EXOC2: variants seen among roughly 807,000 people sequenced by gnomAD.
EXOC2 encodes the protein exocyst complex component 2.
In EXOC2, 70 loss-of-function variants were observed where a neutral mutation model predicts 131.8. That is an observed-to-expected ratio of 0.53 (90% CI 0.44 to 0.65). The LOEUF (loss-of-function observed/expected upper bound fraction) is 0.65, where lower values mean the gene tolerates loss of function less well. EXOC2 is among the 30% of genes least tolerant of loss of function. EXOC2 has a pLI of 0.00. For synonymous variants in EXOC2, 411 were observed against 398.4 expected, an observed-to-expected ratio of 1.03 and a Z score of -0.38; for missense variants, 923 against 1,108.6, an observed-to-expected ratio of 0.83 and a Z score of 2.38.
chr6:636,079 C>T (rs991258114), intron 2 of EXOC2, among the ~76,000 whole-genome samples: 6 of 152,182 alleles, frequency 3.9e-5, no homozygotes, highest in African/African-American at 1.2e-4. Flanking sequence ...AAAACAACAG[C>T]AACAAAAAGA....
intron 4 of EXOC2, among the ~76,000 whole-genome samples, chr6:621,634 G>GT (rs971345636): frequency 6.6e-6 from 1 of 151,086 alleles, no homozygotes; most frequent in Non-Finnish European, 1.5e-5. Flanking sequence ...ATTTTGGGAG[G>GT]TGGCACCACT....
At chr6:542,800 G>A (rs1330937868) in intron 22 of EXOC2, among the ~76,000 whole-genome samples, 1 of 152,150 alleles carries the variant, frequency 6.6e-6, no homozygotes, top group Non-Finnish European at 1.5e-5. Context: ...GTAAAGATGA[G>A]CAGGTGCCCA....
chr6:679,175 T>C lies in EXOC2; in HGVS notation c.-44+13844A>G, dbSNP rs141892197. The C allele has an allele frequency of 3.3e-5, 5 of 152,008 alleles. No homozygotes were observed. In the East Asian group the frequency reaches 9.7e-4, roughly 29 times the overall value. 9.4% of individuals were successfully genotyped at this position (152,008 alleles called of 1,614,324 possible). A position where few individuals can be genotyped will look rare whatever the true frequency, so the allele number is the denominator to read the frequency against. On this transcript the variant is annotated intron_variant, in intron 1 of 27. Coordinates refer to ENST00000230449, the MANE Select transcript of EXOC2 (RefSeq NM_018303.6). ...AAGTTAATAAATAAAAGATAAGAAA[T>C]TTGAAAGCCAAACAGGAAGTCTGCA...
chr6:651,752 A>G (rs1762842146), intron 1 of EXOC2, among the ~76,000 whole-genome samples: 1 of 151,728 alleles, frequency 6.6e-6, no homozygotes, highest in East Asian at 1.9e-4. Flanking sequence ...GAACCAAAAA[A>G]TGGCTTGATT....
chr6:488,482 T>C (rs1479088851), intron 27 of EXOC2, among the ~76,000 whole-genome samples: 2 of 152,172 alleles, frequency 1.3e-5, no homozygotes, highest in South Asian at 2.1e-4. Context: ...ATGAAATATA[T>C]ATGTATATAT....
rs1226198548 is a variant in EXOC2, at chr6:486,055, T to C, written c.*616A>G. The C allele has an allele frequency of 6.6e-6, 1 of 152,148 alleles. No homozygotes were observed. Among genetic ancestry groups the C allele is most frequent in the Admixed American group, 6.5e-5 (1 of 15,274 alleles). The allele number at this position is 152,148 out of a possible 1,614,324, so 9.4% of individuals were successfully genotyped here. ...AGCCCTGTGAAAAATAAAAATCAGATAGCAAAACGCAAAGTTAAATCACAG... is the reference window on the plus strand; with the variant it reads ...AGCCCTGTGAAAAATAAAAATCAGACAGCAAAACGCAAAGTTAAATCACAG... On this transcript the variant is annotated 3_prime_UTR_variant, in exon 28 of 28. Coordinates refer to ENST00000230449, the MANE Select transcript of EXOC2 (RefSeq NM_018303.6).
At chr6:656,423 G>A (rs778700723) in intron 1 of EXOC2, 60 of 1,613,802 alleles carry the variant, frequency 3.7e-5, no homozygotes, top group Non-Finnish European at 1.7e-5. Flanking sequence ...GACTGCCCAC[G>A]TTCGCCATCC....
At chr6:638,864 G>A (rs1762223957) in intron 1 of EXOC2, among the ~76,000 whole-genome samples, 1 of 152,172 alleles carries the variant, frequency 6.6e-6, no homozygotes. Flanking sequence ...AGGAGGCGGA[G>A]GTTGCAGTGA....
intron 23 of EXOC2, among the ~76,000 whole-genome samples, chr6:523,211 CT>C: frequency 6.6e-6 from 1 of 152,342 alleles, no homozygotes; most frequent in East Asian, 1.9e-4. Flanking sequence ...TGTCCAAGTG[CT>C]ACCAGTTTGG....
chr6:604,894 C>G (rs2127652542), intron 7 of EXOC2, among the ~76,000 whole-genome samples: 1 of 151,938 alleles, frequency 6.6e-6, no homozygotes, highest in South Asian at 2.1e-4. Context: ...TGTGTCCTCC[C>G]CTGGTATTCT....
chr6:648,716 CTTTTTT>C (rs60202015), intron 1 of EXOC2, among the ~76,000 whole-genome samples: 6 of 88,560 alleles, frequency 6.8e-5, no homozygotes, highest in African/African-American at 1.3e-4. Flanking sequence ...TTTAAAAACT[CTTTTTT>C]TTTTTTTTTT....
intron 1 of EXOC2, among the ~76,000 whole-genome samples, chr6:687,845 AAG>A (rs1196457973): frequency 6.6e-6 from 1 of 152,222 alleles, no homozygotes; most frequent in Non-Finnish European, 1.5e-5. Flanking sequence ...GAAAGTGAAA[AAG>A]AGAGGAATTT....
chr6:605,618 G>A (rs561714078), intron 7 of EXOC2, among the ~76,000 whole-genome samples: 7 of 152,104 alleles, frequency 4.6e-5, no homozygotes, highest in South Asian at 4.2e-4. Flanking sequence ...TCTTGCTAGC[G>A]GTTTATCAAG....
intron 13 of EXOC2, among the ~76,000 whole-genome samples, chr6:568,476 G>A (rs867660692): frequency 1.3e-5 from 2 of 152,298 alleles, no homozygotes; most frequent in South Asian, 2.1e-4. Flanking sequence ...GCAGACCCTT[G>A]CGGCTTGTCA....
intron 27 of EXOC2, 83 bp downstream of exon 27, chr6:488,896 C>CATT (rs1763256218): frequency 7.2e-7 from 1 of 1,394,564 alleles, no homozygotes; most frequent in South Asian, 1.3e-5. Context: ...GAATCCAAAT[C>CATT]ATTATTTTTA....
intron 1 of EXOC2, among the ~76,000 whole-genome samples, chr6:659,782 A>C (rs187614583): frequency 6.6e-6 from 1 of 152,202 alleles, no homozygotes; most frequent in Non-Finnish European, 1.5e-5. Context: ...CCTGAGGAGC[A>C]GGGGGTACAA....
chr6:488,657 C>G (rs1321027713), intron 27 of EXOC2, among the ~76,000 whole-genome samples: 1 of 151,942 alleles, frequency 6.6e-6, no homozygotes, highest in Non-Finnish European at 1.5e-5. Flanking sequence ...ATGTATGCTA[C>G]TAATACAGTT....
chr6:533,304 C>T (rs945728347), intron 22 of EXOC2, among the ~76,000 whole-genome samples: 1 of 152,150 alleles, frequency 6.6e-6, no homozygotes, highest in African/African-American at 2.4e-5. Context: ...CAGTAAACTA[C>T]AATTAAAAAG....
At chr6:642,667 A>C (rs9378992) in intron 1 of EXOC2, among the ~76,000 whole-genome samples, 107,674 of 152,012 alleles carry the variant, frequency 0.71, 38,777 homozygotes, top group Middle Eastern at 0.88. Flanking sequence ...GGTTGTTCTA[A>C]ATAGAGGAAT....
Sources: allele counts gnomAD v4.1 joint callset (sites outside exome capture counted in the v4.1 genomes callset), GRCh38; gene constraint gnomAD v4.1.1; transcripts MANE v1.5; gene names NCBI Gene and HGNC (gene_info 2026-07-23, HGNC 2026-07-21).